SAMTOR: variants seen among roughly 807,000 people sequenced by gnomAD.
SAMTOR encodes S-adenosylmethionine sensor upstream of mTORC1.
chr7:112,880,376 A>T, the SAMTOR span, among the ~76,000 whole-genome samples: 3 of 152,142 alleles, frequency 2.0e-5, no homozygotes, highest in Non-Finnish European at 2.9e-5. Flanking sequence ...AGAAAAAGAG[A>T]CTCAGAATGT....
At chr7:112,892,629 G>A in the SAMTOR span, among the ~76,000 whole-genome samples, 1 of 151,922 alleles carries the variant, frequency 6.6e-6, no homozygotes, top group Non-Finnish European at 1.5e-5. Context: ...AAAGTTAGCT[G>A]GGCATGGTGG....
At chr7:112,846,145 CTTTTTTT>C in the SAMTOR span, among the ~76,000 whole-genome samples, 1 of 129,004 alleles carries the variant, frequency 7.8e-6, no homozygotes, top group South Asian at 2.6e-4. Flanking sequence ...ATCTGTACAA[CTTTTTTT>C]TTTTTTTTTG....
At chr7:112,920,847 T>C in the SAMTOR span, among the ~76,000 whole-genome samples, 1,609 of 152,084 alleles carry the variant, frequency 0.011, 24 homozygotes, top group African/African-American at 0.036. Context: ...CCATTCACAA[T>C]TGCTTCAAAG....
the SAMTOR span, among the ~76,000 whole-genome samples, chr7:112,860,606 A>G: frequency 6.6e-6 from 1 of 152,170 alleles, no homozygotes. Flanking sequence ...ATGCAAGAAA[A>G]AAAGTCAACA....
At chr7:112,874,613 A>C in the SAMTOR span, among the ~76,000 whole-genome samples, 1 of 152,138 alleles carries the variant, frequency 6.6e-6, no homozygotes, top group Non-Finnish European at 1.5e-5. Flanking sequence ...TCCTTGTAAC[A>C]AGTACCCCTT....
chr7:112,846,550 G>A, the SAMTOR span, among the ~76,000 whole-genome samples: 24 of 152,236 alleles, frequency 1.6e-4, no homozygotes, highest in African/African-American at 5.8e-4. Flanking sequence ...TGCTGTTCAT[G>A]GACCCCATAA....
the SAMTOR span, among the ~76,000 whole-genome samples, chr7:112,824,166 A>C: frequency 6.6e-6 from 1 of 152,060 alleles, no homozygotes; most frequent in African/African-American, 2.4e-5. Flanking sequence ...TGAAGAGCTG[A>C]AGTTTTAAAT....
the SAMTOR span, among the ~76,000 whole-genome samples, chr7:112,871,812 A>G: frequency 6.6e-6 from 1 of 152,164 alleles, no homozygotes; most frequent in Admixed American, 6.5e-5. Context: ...AGAAATGACA[A>G]GGTGACATGA....
the SAMTOR span, among the ~76,000 whole-genome samples, chr7:112,860,228 T>G: frequency 6.6e-6 from 1 of 152,166 alleles, no homozygotes; most frequent in African/African-American, 2.4e-5. Context: ...ACCATCTAGG[T>G]TTGTGAAAGT....
chr7:112,909,823 G>A, the SAMTOR span, among the ~76,000 whole-genome samples: 1 of 150,762 alleles, frequency 6.6e-6, no homozygotes, highest in African/African-American at 2.4e-5. Context: ...AAACTGGAGT[G>A]GAAAATATCA....
chr7:112,880,471 A>G, the SAMTOR span, among the ~76,000 whole-genome samples: 2 of 152,182 alleles, frequency 1.3e-5, no homozygotes, highest in East Asian at 1.9e-4. Flanking sequence ...AGCACAGATC[A>G]TTTGCACTCC....
At chr7:112,922,108 G>A in the SAMTOR span, among the ~76,000 whole-genome samples, 3 of 152,124 alleles carry the variant, frequency 2.0e-5, no homozygotes, top group Non-Finnish European at 2.9e-5. Context: ...GGCGCGCGCC[G>A]CCACGCCTGA....
the SAMTOR span, among the ~76,000 whole-genome samples, chr7:112,908,903 A>T: frequency 2.6e-5 from 4 of 152,326 alleles, no homozygotes; most frequent in African/African-American, 9.6e-5. Flanking sequence ...GAGACTGGTT[A>T]GAACCAAGAT....
chr7:112,850,831 ATTTTG>A, the SAMTOR span, among the ~76,000 whole-genome samples: 47 of 152,276 alleles, frequency 3.1e-4, no homozygotes, highest in Middle Eastern at 0.017. Flanking sequence ...CAGTCTATCA[ATTTTG>A]TTTATCTTTT....
the SAMTOR span, among the ~76,000 whole-genome samples, chr7:112,931,079 T>C: frequency 1.3e-5 from 2 of 152,220 alleles, no homozygotes; most frequent in Admixed American, 1.3e-4. Context: ...GCAGTGGTTC[T>C]CAACTCTGGC....
At chr7:112,893,795 A>G in the SAMTOR span, among the ~76,000 whole-genome samples, 1 of 152,186 alleles carries the variant, frequency 6.6e-6, no homozygotes, top group Non-Finnish European at 1.5e-5. Flanking sequence ...CCAGCTACTC[A>G]GGAGGCTGAG....
At chr7:112,869,044 C>T in the SAMTOR span, among the ~76,000 whole-genome samples, 1 of 152,216 alleles carries the variant, frequency 6.6e-6, no homozygotes, top group South Asian at 2.1e-4. Context: ...TGTGGACTGC[C>T]CCAACAGAAG....
chr7:112,819,630 T>C, the SAMTOR span: 1 of 152,510 alleles, frequency 6.6e-6, no homozygotes, highest in Admixed American at 6.6e-5. Context: ...TACTAAGTGG[T>C]AGTAGGTTTT....
chr7:112,903,940 G>A, the SAMTOR span, among the ~76,000 whole-genome samples: 1 of 151,640 alleles, frequency 6.6e-6, no homozygotes, highest in Non-Finnish European at 1.5e-5. Context: ...AAGAAGTAGG[G>A]AATAAAAAGC....
Sources: gnomAD v4.1 joint callset for allele counts (sites outside exome capture counted in the v4.1 genomes callset) on GRCh38, gnomAD v4.1.1 for gene constraint, MANE v1.5 for transcripts, NCBI Gene and HGNC (gene_info 2026-07-23, HGNC 2026-07-21) for gene names.